PPEF2: variants seen among roughly 807,000 people sequenced by gnomAD.
PPEF2 encodes the protein serine/threonine-protein phosphatase with EF-hands 2.
In PPEF2, 84 loss-of-function variants were observed where a neutral mutation model predicts 84.7. The ratio of observed to expected loss-of-function variants is 0.99; its 90% confidence interval spans 0.83 to 1.19. The LOEUF is 1.19. Ranked by LOEUF, PPEF2 falls within the 50% of genes most tolerant of loss-of-function variation. The pLI is 0.00. For synonymous variants in PPEF2, 346 were observed against 345.2 expected (o/e 1.00, Z -0.03); for missense variants, 924 against 937.5 (o/e 0.99, Z 0.19).
chr4:75,872,684 G>A (rs557429483), intron 12 of PPEF2, among the ~76,000 whole-genome samples: 2 of 152,332 alleles, frequency 1.3e-5, no homozygotes, highest in South Asian at 2.1e-4. Flanking sequence ...GTACTCAGAA[G>A]TCCTGCAATA....
chr4:75,864,618 A>T (rs1177013154), intron 15 of PPEF2, 91 bp from the exon 16 acceptor site: 2 of 1,035,758 alleles, frequency 1.9e-6, no homozygotes, highest in African/African-American at 1.6e-5. Flanking sequence ...ACAATCACAC[A>T]TTCTTGAAAA....
chr4:75,897,856 C>T (rs536862563), intron 1 of PPEF2, among the ~76,000 whole-genome samples: 17 of 152,232 alleles, frequency 1.1e-4, no homozygotes, highest in East Asian at 3.9e-4. Flanking sequence ...CCTAACCCAG[C>T]GGTGCTAGAG....
Position 75,860,629 on chromosome 4 carries a change from C to T in PPEF2, c.*38G>A. On this transcript the variant is annotated 3_prime_UTR_variant, in exon 17 of 17. Coordinates refer to ENST00000286719, the MANE Select transcript of PPEF2 (RefSeq NM_006239.3). ...TAGTCTAGTGAGAAGCTGAGCATTGCCTATGAGGCACTTTGGGTGATGAAG... is the reference window on the plus strand; with the variant it reads ...TAGTCTAGTGAGAAGCTGAGCATTGTCTATGAGGCACTTTGGGTGATGAAG... The T allele has an allele frequency of 6.2e-7, 1 of 1,609,118 alleles. No individual in the cohort carries two copies. The highest frequency in any genetic ancestry group is 8.5e-7 in the Non-Finnish European group (1 of 1,177,118).
intron 10 of PPEF2, among the ~76,000 whole-genome samples, chr4:75,879,953 C>T (rs554295129): frequency 6.6e-6 from 1 of 152,000 alleles, no homozygotes; most frequent in African/African-American, 2.4e-5. Flanking sequence ...CTCAGCCTCC[C>T]GAGTAGCTGG....
chr4:75,888,530 C>A lies in PPEF2; in HGVS notation c.418-202G>T, dbSNP rs918859129. Among the ~76,000 whole-genome samples, 6 of 152,170 alleles carry A rather than the reference C, an allele frequency of 3.9e-5. No individual in the cohort carries two copies. In the East Asian group the frequency reaches 9.6e-4, roughly 24 times the overall value. ...TTCTGCTTCTCATCATTCCCACTTG[C>A]CCCCCCTGCAAATATTGAGCTACTT... On this transcript the variant is annotated intron_variant, in intron 5 of 16. Transcript: ENST00000286719.
At chr4:75,864,354 A>G in intron 16 of PPEF2, 86 bp downstream of exon 16, 1 of 1,035,540 alleles carries the variant, frequency 9.7e-7, no homozygotes, top group Middle Eastern at 2.0e-4. Context: ...GTGGAGATGA[A>G]TGAGGATGAA....
intron 16 of PPEF2, among the ~76,000 whole-genome samples, chr4:75,861,765 A>AC (rs1309344664): frequency 7.2e-6 from 1 of 138,870 alleles, no homozygotes; most frequent in Non-Finnish European, 1.6e-5. Context: ...ACCCGCCACC[A>AC]CTCCCGGCTA....
chr4:75,873,069 G>C, intron 12 of PPEF2, 58 bp downstream of exon 12: 1 of 1,495,846 alleles, frequency 6.7e-7, no homozygotes, highest in East Asian at 2.3e-5. Flanking sequence ...CCAGGCCTGA[G>C]CCCTTCGGAC....
chr4:75,861,904 T>C (rs62321579), intron 16 of PPEF2, among the ~76,000 whole-genome samples: 148,951 of 150,290 alleles, frequency 0.99, 73,830 homozygotes, highest in Middle Eastern at 1. Context: ...CCACCGTGAC[T>C]AGCCTATGCA....
At chr4:75,861,062 A>T (rs1723988676) in intron 16 of PPEF2, 142 bp from the exon 17 acceptor site, 8 of 1,002,488 alleles carry the variant, frequency 8.0e-6, no homozygotes, top group Non-Finnish European at 1.0e-5. Flanking sequence ...AACTCCCAAG[A>T]GGATCACACA....
In PPEF2 at chr4:75,891,925, G is replaced by A. The variant is rs1479278409; in HGVS notation, c.109C>T (p.Leu37=). 6.2e-7 allele frequency: 1 copy of A among 1,614,112 alleles called. No individual in the cohort carries two copies. The highest frequency in any genetic ancestry group is 1.1e-5 in the South Asian group (1 of 91,084). The change falls in exon 3 of 17, where the codon CTG becomes TTG. Residue 37 remains leucine, a synonymous_variant. Transcript: ENST00000286719. ...CAGGTGCAACGCCGCCTCATCTCCA[G>A]GCGGGCCACGTAGCGCCGGTACCAT... ...QRWYRRYVAR[L]EMRRRCTWSI...
chr4:75,896,204 C>T, intron 2 of PPEF2, 67 bp downstream of exon 2: 1 of 1,548,374 alleles, frequency 6.5e-7, no homozygotes, highest in East Asian at 2.2e-5. Context: ...TCAGAACCCC[C>T]AACCCTCTCC....
chr4:75,871,221 A>G (rs1724266820), intron 13 of PPEF2, among the ~76,000 whole-genome samples: 2 of 151,976 alleles, frequency 1.3e-5, no homozygotes, highest in African/African-American at 2.4e-5. Context: ...CGCCCGGCCA[A>G]AATCTACCAT....
intron 1 of PPEF2, among the ~76,000 whole-genome samples, chr4:75,901,618 C>T (rs75251702): frequency 0.11 from 16,856 of 151,992 alleles, 1,222 homozygotes; most frequent in Non-Finnish European, 0.16. Flanking sequence ...CCACAGAAAA[C>T]GAGCTTGAGG....
At chr4:75,864,342 G>T in intron 16 of PPEF2, 98 bp downstream of exon 16, 1 of 930,638 alleles carries the variant, frequency 1.1e-6, no homozygotes, top group South Asian at 1.4e-5. Flanking sequence ...CCAAATGCCT[G>T]AGTGGAGATG....
chr4:75,896,741 T>C (rs1273980857), intron 1 of PPEF2, among the ~76,000 whole-genome samples: 2 of 152,198 alleles, frequency 1.3e-5, no homozygotes, highest in African/African-American at 2.4e-5. Context: ...CAGTTTTCTC[T>C]TTACTTCCTC....
chr4:75,895,972 C>G (rs1277348279), intron 2 of PPEF2, among the ~76,000 whole-genome samples: 1 of 152,162 alleles, frequency 6.6e-6, no homozygotes, highest in East Asian at 1.9e-4. Context: ...CTACCCTCTG[C>G]CTGGAATGTG....
intron 1 of PPEF2, among the ~76,000 whole-genome samples, chr4:75,898,781 T>A (rs909952546): frequency 6.6e-6 from 1 of 152,046 alleles, no homozygotes; most frequent in African/African-American, 2.4e-5. Flanking sequence ...GATATTCTGA[T>A]ACATGTATAC....
At chr4:75,867,697 C>T (rs937792628) in intron 13 of PPEF2, among the ~76,000 whole-genome samples, 1 of 152,130 alleles carries the variant, frequency 6.6e-6, no homozygotes, top group Non-Finnish European at 1.5e-5. Context: ...CTTCAGTTTT[C>T]CCACCTGTAA....
Sources: gnomAD v4.1 joint callset for allele counts (sites outside exome capture counted in the v4.1 genomes callset) on GRCh38, gnomAD v4.1.1 for gene constraint, MANE v1.5 for transcripts, NCBI Gene and HGNC (gene_info 2026-07-23, HGNC 2026-07-21) for gene names.